Variants in MSMO1 observed in about 807,000 individuals in gnomAD.
The protein encoded by MSMO1 is methylsterol monooxygenase 1.
Under a neutral mutation model 30.4 loss-of-function variants are expected in MSMO1, and 18 were observed. The ratio of observed to expected loss-of-function variants is 0.59; its 90% CI spans 0.41 to 0.88. The LOEUF is 0.88. Among genes scored for constraint, MSMO1 ranks in the 40% least tolerant of loss-of-function variants. The pLI is 0.00. For missense variants in MSMO1, 284 were observed against 340.5 expected (o/e 0.83, Z 1.31); for synonymous variants, 84 against 107.9 (o/e 0.78, Z 1.37).
intron 3 of MSMO1, among the ~76,000 whole-genome samples, chr4:165,338,444 T>A (rs1457905051): frequency 6.6e-6 from 1 of 151,992 alleles, no homozygotes; most frequent in African/African-American, 2.4e-5. Context: ...ATGAAATTGG[T>A]CTAATGGGCA....
intron 4 of MSMO1, 134 bp downstream of exon 4, chr4:165,338,912 A>G (rs1009616426): frequency 4.6e-6 from 3 of 645,610 alleles, no homozygotes; most frequent in Non-Finnish European, 7.9e-6. Context: ...AACAATACAC[A>G]CACATACAAA....
At chr4:165,338,567 T>C in intron 3 of MSMO1, 85 bp from the exon 4 acceptor site, 1 of 1,224,496 alleles carries the variant, frequency 8.2e-7, no homozygotes, top group Non-Finnish European at 1.2e-6. Context: ...TTTTATGTAA[T>C]GTCTCAAGCA....
rs1194396124 is a variant in MSMO1 at position 165,340,383 on chromosome 4, T to C, written c.686+8T>C. 1 of 1,607,530 alleles carries C rather than the reference T, an allele frequency of 6.2e-7. No individual in the cohort carries two copies. Among genetic ancestry groups the C allele is most frequent in the East Asian group, 2.2e-5 (1 of 44,790 alleles). On this transcript the variant is annotated splice_region_variant and intron_variant, in intron 5 of 5. Coordinates refer to ENST00000261507, the MANE Select transcript of MSMO1 (RefSeq NM_006745.5). ...AACTATTGATGTCCATAGGTGAGTA[T>C]TAATTTCTGTTCAGGTATAAAGCAT...
chr4:165,331,521 G>C (rs1361206889), intron 1 of MSMO1, among the ~76,000 whole-genome samples: 2 of 152,140 alleles, frequency 1.3e-5, no homozygotes, highest in Non-Finnish European at 2.9e-5. Flanking sequence ...GAACACTATA[G>C]TCACTGTGGT....
intron 3 of MSMO1, 82 bp from the exon 4 acceptor site, chr4:165,338,570 C>A: frequency 7.8e-7 from 1 of 1,281,064 alleles, no homozygotes; most frequent in Non-Finnish European, 1.1e-6. Context: ...TATGTAATGT[C>A]TCAAGCAGTG....
chr4:165,337,251 C>T (rs1747578388), intron 2 of MSMO1, among the ~76,000 whole-genome samples: 1 of 152,150 alleles, frequency 6.6e-6, no homozygotes, highest in Non-Finnish European at 1.5e-5. Context: ...CTCATTTTGA[C>T]TTGAATCTGT....
Position 165,343,053 on chromosome 4 carries a change from AAT to A in MSMO1, c.*1108_*1109del, listed in dbSNP as rs538641752. The stretch of plus-strand genomic sequence containing the variant: ...ATTTGCACTTTGAGCTCTTGAAATA[AAT>A]GTGATTTTTGTGTGATTATCTGGTT... On this transcript the variant is annotated 3_prime_UTR_variant, in exon 6 of 6. Transcript: ENST00000261507. 64 of 152,764 alleles carry A rather than the reference AAT, an allele frequency of 4.2e-4. No homozygotes were observed. The highest frequency in any genetic ancestry group is 1.5e-3 in the African/African-American group (62 of 41,576). The allele number at this position is 152,764 out of a possible 1,614,324, so 9.5% of individuals were successfully genotyped here.
At chr4:165,333,991 CA>C (rs936728222) in intron 2 of MSMO1, among the ~76,000 whole-genome samples, 3 of 152,008 alleles carry the variant, frequency 2.0e-5, no homozygotes, top group Non-Finnish European at 4.4e-5. Context: ...AATACCCAGG[CA>C]TGGTGATGTA....
At chr4:165,340,073 G>A (rs535847831) in intron 4 of MSMO1, 148 bp from the exon 5 acceptor site, 9 of 696,438 alleles carry the variant, frequency 1.3e-5, no homozygotes, top group South Asian at 1.2e-4. Context: ...TGATTTAAAT[G>A]TTAACAACAT....
chr4:165,328,761 T>C (rs1747306658), intron 1 of MSMO1, among the ~76,000 whole-genome samples: 1 of 152,248 alleles, frequency 6.6e-6, no homozygotes, highest in Non-Finnish European at 1.5e-5. Flanking sequence ...TTAGCAACAG[T>C]ATATCCATTC....
In MSMO1 at chr4:165,334,058, T is replaced by C. The variant is rs1373814438; in HGVS notation, c.255+433T>C. Among the ~76,000 whole-genome samples the C allele has an allele frequency of 2.0e-5, 3 of 152,224 alleles. No homozygotes were observed. In the East Asian group the frequency reaches 5.8e-4, roughly 29 times the overall value. On this transcript the variant is annotated intron_variant, in intron 2 of 5. Transcript: ENST00000261507. ...AAGATTGCAGCACTATACTCTAGCA[T>C]AGGCGACAGAGTGAGACCTTGTCTC... is the stretch of plus-strand genomic sequence containing the variant.
intron 1 of MSMO1, among the ~76,000 whole-genome samples, chr4:165,331,378 A>G (rs1747385402): frequency 6.6e-6 from 1 of 152,120 alleles, no homozygotes. Flanking sequence ...ATGAAGGGAG[A>G]AGGATGAAAG....
chr4:165,336,144 A>G (rs1464941732), intron 2 of MSMO1, among the ~76,000 whole-genome samples: 1 of 152,130 alleles, frequency 6.6e-6, no homozygotes, highest in Non-Finnish European at 1.5e-5. Flanking sequence ...AACAGAACAG[A>G]CAACTGGAGA....
At chr4:165,338,222 T>C (rs984389100) in intron 3 of MSMO1, among the ~76,000 whole-genome samples, 1 of 151,606 alleles carries the variant, frequency 6.6e-6, no homozygotes. Context: ...TATATTACAT[T>C]TTAATTTTAA....
At chr4:165,340,175 A>G (rs1204100002) in intron 4 of MSMO1, 46 bp from the exon 5 acceptor site, 2 of 1,584,098 alleles carry the variant, frequency 1.3e-6, no homozygotes, top group South Asian at 1.1e-5. Context: ...AAAATTGACC[A>G]TCACAATAGC....
intron 2 of MSMO1, 110 bp downstream of exon 2, chr4:165,333,735 A>G: frequency 8.4e-7 from 1 of 1,192,700 alleles, no homozygotes; most frequent in Non-Finnish European, 1.1e-6. Flanking sequence ...CAATAGAAAT[A>G]TGAAGCCACG....
At chr4:165,331,983 A>G (rs935770046) in intron 1 of MSMO1, among the ~76,000 whole-genome samples, 4 of 151,096 alleles carry the variant, frequency 2.6e-5, no homozygotes, top group African/African-American at 7.3e-5. Context: ...TCTGTCTTCC[A>G]TAACACTGTC....
Position 165,341,795 on chromosome 4 carries a change from A to G in MSMO1, c.731A>G (p.Tyr244Cys), listed in dbSNP as rs760048191. ...AACCCTTTAAATCTGATCCCTTTCT[A>G]TGCTGGTTCTCGGCATCATGATTTC... Reference protein sequence around the residue: ...PLNPLNLIPFYAGSRHHDFHH... With the variant: ...PLNPLNLIPFCAGSRHHDFHH... The change falls in exon 6 of 6, where the codon TAT (tyrosine) becomes TGT (cysteine). Residue 244 changes from tyrosine (Y) to cysteine (C), a missense_variant. Transcript: ENST00000261507. 42 of 1,613,570 alleles carry G rather than the reference A, an allele frequency of 2.6e-5. No individual in the cohort carries two copies. Among genetic ancestry groups the G allele is most frequent in the Non-Finnish European group, 3.4e-5 (40 of 1,179,580 alleles).
chr4:165,341,731 C>A lies in MSMO1; in HGVS notation c.687-20C>A. On this transcript the variant is annotated intron_variant, in intron 5 of 5. Transcript: ENST00000261507. ...TGAGATGTATTTATTCCTTAATAATCTTTATCATTTTTGTTTCAGTGGTTA... is the reference window on the plus strand; with the variant it reads ...TGAGATGTATTTATTCCTTAATAATATTTATCATTTTTGTTTCAGTGGTTA... 2 of 1,567,112 alleles carry A rather than the reference C, an allele frequency of 1.3e-6. No individual in the cohort carries two copies. Among genetic ancestry groups the A allele is most frequent in the Non-Finnish European group, 1.8e-6 (2 of 1,137,700 alleles).
Sources: allele counts gnomAD v4.1 joint callset (sites outside exome capture counted in the v4.1 genomes callset), GRCh38; gene constraint gnomAD v4.1.1; transcripts MANE v1.5; gene names NCBI Gene and HGNC (gene_info 2026-07-23, HGNC 2026-07-21).